The following ZNF804B variants were observed in gnomAD, a reference collection of about 807,000 sequenced individuals.
The protein encoded by ZNF804B is zinc finger 804B.
Under a neutral mutation model 101.4 loss-of-function variants are expected in ZNF804B, and 80 were observed. The observed-to-expected ratio is 0.79, with a 90% confidence interval of 0.66 to 0.95. The LOEUF is 0.95. Among genes scored for constraint, ZNF804B ranks in the 40% least tolerant of loss-of-function variants. ZNF804B has a pLI of 0.00. For synonymous variants in ZNF804B, 622 were observed against 558.8 expected (o/e 1.11, Z -1.59); for missense variants, 1,673 against 1,561.9 (o/e 1.07, Z -1.20).
intron 1 of ZNF804B, among the ~76,000 whole-genome samples, chr7:89,063,906 G>GA (rs1466601955): frequency 6.6e-6 from 1 of 151,952 alleles, no homozygotes. Context: ...AGTGCCCTCA[G>GA]AAAAAAATAT....
intron 1 of ZNF804B, among the ~76,000 whole-genome samples, chr7:89,075,536 G>A (rs1050767359): frequency 2.0e-5 from 3 of 152,222 alleles, no homozygotes; most frequent in African/African-American, 4.8e-5. Flanking sequence ...TTCAGAGGAT[G>A]TGTGGAAATG....
intron 1 of ZNF804B, among the ~76,000 whole-genome samples, chr7:88,831,254 C>A (rs1054233678): frequency 6.6e-6 from 1 of 151,818 alleles, no homozygotes; most frequent in Non-Finnish European, 1.5e-5. Flanking sequence ...AGGTAAAGAC[C>A]AACCTACTTT....
chr7:88,879,084 G>T (rs1392408004), intron 1 of ZNF804B, among the ~76,000 whole-genome samples: 2 of 152,170 alleles, frequency 1.3e-5, no homozygotes, highest in Non-Finnish European at 2.9e-5. Context: ...GTATAAAAAG[G>T]ACCAAGTGGT....
intron 2 of ZNF804B, among the ~76,000 whole-genome samples, chr7:89,323,638 G>A (rs1335252564): frequency 4.6e-5 from 7 of 151,906 alleles, no homozygotes; most frequent in Non-Finnish European, 8.8e-5. Flanking sequence ...AGAATGCAAG[G>A]TATTGTTCTA....
intron 1 of ZNF804B, among the ~76,000 whole-genome samples, chr7:88,809,388 A>AATCTACCAACCTACCTACCT (rs949736372): frequency 6.6e-6 from 1 of 151,472 alleles, no homozygotes; most frequent in Non-Finnish European, 1.5e-5. Context: ...CTTACTTACC[A>AATCTACCAACCTACCTACCT]ATCTACCAAC....
chr7:89,073,966 A>T lies in ZNF804B; in HGVS notation c.109-144189A>T, dbSNP rs371443758. On this transcript the variant is annotated intron_variant, in intron 1 of 3. Transcript: ENST00000333190. Reference sequence around the variant, plus strand: ...CAGAGCTTGTCATAGTACTAAAAGGATTTTTCAATTTGTAGGACTGCCAAA... The same window carrying T: ...CAGAGCTTGTCATAGTACTAAAAGGTTTTTTCAATTTGTAGGACTGCCAAA... 1.3e-4 allele frequency among the ~76,000 whole-genome samples: 20 copies of T among 152,238 alleles called. No homozygotes were observed. In the East Asian group the frequency reaches 3.5e-3, roughly 27 times the overall value.
chr7:89,265,948 C>A (rs905737370), intron 2 of ZNF804B, among the ~76,000 whole-genome samples: 1 of 152,198 alleles, frequency 6.6e-6, no homozygotes, highest in Non-Finnish European at 1.5e-5. Context: ...GGTCACTCGA[C>A]TTCATGGCAG....
intron 2 of ZNF804B, among the ~76,000 whole-genome samples, chr7:89,292,281 AACT>A (rs1421187866): frequency 6.6e-6 from 1 of 152,158 alleles, no homozygotes; most frequent in Non-Finnish European, 1.5e-5. Flanking sequence ...GTGGTGTATA[AACT>A]ACTCTCATCT....
intron 1 of ZNF804B, among the ~76,000 whole-genome samples, chr7:89,214,153 T>C (rs1425114033): frequency 4.6e-5 from 7 of 152,324 alleles, no homozygotes; most frequent in Admixed American, 2.6e-4. Flanking sequence ...AAAATGCCCA[T>C]TGGCATTACC....
chr7:89,335,959 C>T lies in ZNF804B; in HGVS notation c.2977C>T (p.Gln993Ter). The stretch of plus-strand genomic sequence containing the variant: ...GTATGCAAGTGAGAGCAGAAATGAT[C>T]AAGACAGTGCAATTCCAAGGACTAC... ...IQYASESRND[Q>*]DSAIPRTTEK... The change falls in exon 4 of 4, where the codon CAA becomes TAA. Residue 993 changes from glutamine to a stop codon, truncating the protein, a stop_gained. Coordinates refer to ENST00000333190, the MANE Select transcript of ZNF804B (RefSeq NM_181646.5). LOFTEE classifies it high-confidence loss of function. 1 of 1,613,980 alleles carries T rather than the reference C, an allele frequency of 6.2e-7. No individual in the cohort carries two copies. The highest frequency in any genetic ancestry group is 1.1e-5 in the South Asian group (1 of 91,072).
intron 2 of ZNF804B, among the ~76,000 whole-genome samples, chr7:89,255,090 A>G (rs1256936291): frequency 6.6e-6 from 1 of 152,196 alleles, no homozygotes; most frequent in African/African-American, 2.4e-5. Context: ...ACAGTTCCAC[A>G]TTGCTGGGAG....
At chr7:89,038,921 T>A (rs1348520617) in intron 1 of ZNF804B, among the ~76,000 whole-genome samples, 1 of 152,116 alleles carries the variant, frequency 6.6e-6, no homozygotes. Context: ...AACTGTCCTA[T>A]CTCCACCATG....
intron 1 of ZNF804B, among the ~76,000 whole-genome samples, chr7:89,126,336 A>G (rs1430444327): frequency 3.3e-5 from 5 of 151,968 alleles, no homozygotes; most frequent in Admixed American, 2.6e-4. Context: ...TGGCTGAGTA[A>G]ACCACAGCCA....
intron 1 of ZNF804B, chr7:88,794,287 T>C: frequency 6.2e-7 from 1 of 1,613,864 alleles, no homozygotes; most frequent in Non-Finnish European, 8.5e-7. Flanking sequence ...TTCTTCGGAT[T>C]TGCACAAGTA....
At chr7:89,305,791 A>G (rs1382491745) in intron 2 of ZNF804B, among the ~76,000 whole-genome samples, 1 of 151,670 alleles carries the variant, frequency 6.6e-6, no homozygotes, top group Non-Finnish European at 1.5e-5. Context: ...ATATTTTTTG[A>G]TACACATATT....
chr7:89,016,747 A>G (rs901202670), intron 1 of ZNF804B, among the ~76,000 whole-genome samples: 3 of 152,084 alleles, frequency 2.0e-5, no homozygotes, highest in African/African-American at 7.2e-5. Flanking sequence ...GTAGCCTTGT[A>G]GTATAGTTTG....
At chr7:89,259,596 T>C (rs1789681605) in intron 2 of ZNF804B, among the ~76,000 whole-genome samples, 1 of 152,174 alleles carries the variant, frequency 6.6e-6, no homozygotes. Context: ...TAATGAGCCT[T>C]AAGCGTCCTA....
rs149310530 is a variant in ZNF804B at position 88,874,750 on chromosome 7, C to T, written c.108+114666C>T. Among the ~76,000 whole-genome samples, 1,351 of 152,152 alleles carry T rather than the reference C, an allele frequency of 8.9e-3. 12 individuals are homozygous for T. Among genetic ancestry groups the T allele is most frequent in the Middle Eastern group, 0.031 (9 of 294 alleles). On this transcript the variant is annotated intron_variant, in intron 1 of 3. Transcript: ENST00000333190. ...TAATCATGAATATTAGACACATCAA[C>T]GAGACAGAAAGTCAACAAGGATACC...
rs774629950 is a variant in ZNF804B, at chr7:89,288,527, T to A, written c.250-38817T>A. Among the ~76,000 whole-genome samples, 18 of 152,276 alleles carry A rather than the reference T, an allele frequency of 1.2e-4. 1 individual carries two copies. The South Asian group carries it at 1.7e-3, about 14-fold the overall frequency. On this transcript the variant is annotated intron_variant, in intron 2 of 3. Transcript: ENST00000333190. ...TTATAAGACAGGTTACTTTTAACGATGCAATAATCAACAATAAAGCTTTTG... is the reference window on the plus strand; with the variant it reads ...TTATAAGACAGGTTACTTTTAACGAAGCAATAATCAACAATAAAGCTTTTG...
Sources: gnomAD v4.1 joint callset for allele counts (sites outside exome capture counted in the v4.1 genomes callset) on GRCh38, gnomAD v4.1.1 for gene constraint, MANE v1.5 for transcripts, NCBI Gene and HGNC (gene_info 2026-07-23, HGNC 2026-07-21) for gene names.